ADAMTS2: variants seen among roughly 807,000 people sequenced by gnomAD.
ADAMTS2 encodes the protein ADAM metallopeptidase with thrombospondin type 1 motif 2.
A neutral mutation model predicts 123.0 loss-of-function variants in ADAMTS2; 50 were observed. The ratio of observed to expected loss-of-function variants is 0.41; its 90% CI spans 0.32 to 0.51. The LOEUF (loss-of-function observed/expected upper bound fraction) is 0.51, where lower values mean the gene tolerates loss of function less well. Among genes scored for constraint, ADAMTS2 ranks in the 20% least tolerant of loss-of-function variants. The pLI is 0.35. For synonymous variants in ADAMTS2, 678 were observed against 695.4 expected, an observed-to-expected ratio of 0.98 and a Z score of 0.39; for missense variants, 1,494 against 1,705.2, an observed-to-expected ratio of 0.88 and a Z score of 2.18.
At position 179,130,246 on chromosome 5, in the gene ADAMTS2, A is replaced by G. The variant is rs1762934881; in HGVS notation, c.2291-148T>C. 11 of 967,040 alleles carry G rather than the reference A, an allele frequency of 1.1e-5. No homozygotes were observed. The East Asian group carries it at 2.1e-4, about 18-fold the overall frequency. 59.9% of individuals were successfully genotyped at this position (967,040 alleles called of 1,614,324 possible). On this transcript the variant is annotated intron_variant, in intron 15 of 21. Transcript: ENST00000251582. This position sits in a 1 kb window ranked among gnomAD's most constrained non-coding sequence, Gnocchi z 4.3. ...CGGCCAGTTTCCTCTGTGCCACGAC[A>G]GCCCAGATGGCTCTGGGAGCCCTGC... is the stretch of plus-strand genomic sequence containing the variant.
At chr5:179,137,701 A>AGCCCCCCCCCCCCCCCCCCCAAGGG in intron 12 of ADAMTS2, 68 bp downstream of exon 12, 1 of 1,515,422 alleles carries the variant, frequency 6.6e-7, no homozygotes, top group Non-Finnish European at 8.9e-7. Context: ...CAGAGGCACA[A>AGCCCCCCCCCCCCCCCCCCCAAGGG]GCCCCCACCC....
Position 179,181,905 on chromosome 5 carries a change from C to G in ADAMTS2, c.892-750G>C, listed in dbSNP as rs1764057885. On this transcript the variant is annotated intron_variant, in intron 4 of 21. Coordinates refer to ENST00000251582, the MANE Select transcript of ADAMTS2 (RefSeq NM_014244.5). This position sits in a 1 kb window ranked among gnomAD's most constrained non-coding sequence, Gnocchi z 4.1. Reference sequence around the variant, plus strand: ...TCTACAGAACACAGCCAGCAAGACCCTCCAGAAACATAGGTCAGGTTATCC... The same window carrying G: ...TCTACAGAACACAGCCAGCAAGACCGTCCAGAAACATAGGTCAGGTTATCC... Among the ~76,000 whole-genome samples the G allele has an allele frequency of 6.6e-6, 1 of 152,172 alleles. No homozygotes were observed. The highest frequency in any genetic ancestry group is 2.1e-4 in the South Asian group (1 of 4,832).
chr5:179,128,488 G>A lies in ADAMTS2; in HGVS notation c.2458-370C>T, dbSNP rs1407777835. 1.3e-5 allele frequency among the ~76,000 whole-genome samples: 2 copies of A among 152,112 alleles called. No individual in the cohort carries two copies. Among genetic ancestry groups the A allele is most frequent in the Non-Finnish European group, 2.9e-5 (2 of 68,032 alleles). ...GCTCACTGCAACCTCCGCCTCCCAG[G>A]TTCAAGCGATTCTCCTGCCTCAGCC... On this transcript the variant is annotated intron_variant, in intron 16 of 21. Coordinates refer to ENST00000251582, the MANE Select transcript of ADAMTS2 (RefSeq NM_014244.5). This position sits in a 1 kb window ranked among gnomAD's most constrained non-coding sequence, Gnocchi z 4.9.
At chr5:179,179,113 T>G (rs889010707) in intron 5 of ADAMTS2, among the ~76,000 whole-genome samples, 1 of 152,010 alleles carries the variant, frequency 6.6e-6, no homozygotes, top group Admixed American at 6.6e-5. Flanking sequence ...CCCGGCTAAT[T>G]TTTGTATTTT....
rs1762571473 is a variant in ADAMTS2 at position 179,111,746 on chromosome 5, T to C, written c.*2121A>G. 6.6e-6 allele frequency: 1 copy of C among 152,278 alleles called. No homozygotes were observed. The highest frequency in any genetic ancestry group is 1.5e-5 in the Non-Finnish European group (1 of 68,076). The allele number at this position is 152,278 out of a possible 1,614,324, so 9.4% of individuals were successfully genotyped here. A position where few individuals can be genotyped will look rare whatever the true frequency, so the allele number is the denominator to read the frequency against. ...TTAGTCCTGAACTTCCTCCACATCC[T>C]AGGACAGACCCAAGTAAGAACTGCC... On this transcript the variant is annotated 3_prime_UTR_variant, in exon 22 of 22. Coordinates refer to ENST00000251582, the MANE Select transcript of ADAMTS2 (RefSeq NM_014244.5).
intron 3 of ADAMTS2, among the ~76,000 whole-genome samples, chr5:179,241,886 C>G (rs1040231621): frequency 6.6e-6 from 1 of 152,128 alleles, no homozygotes; most frequent in African/African-American, 2.4e-5. Context: ...TTTTTCACAC[C>G]AGTAGCCCCT....
Position 179,129,126 on chromosome 5 carries a change from C to G in ADAMTS2, c.2457+806G>C, listed in dbSNP as rs1039815611. 1.3e-5 allele frequency among the ~76,000 whole-genome samples: 2 copies of G among 152,176 alleles called. No individual in the cohort carries two copies. The highest frequency in any genetic ancestry group is 2.9e-5 in the Non-Finnish European group (2 of 68,044). On this transcript the variant is annotated intron_variant, in intron 16 of 21. Coordinates refer to ENST00000251582, the MANE Select transcript of ADAMTS2 (RefSeq NM_014244.5). The surrounding 1 kb of genome is among the most constrained non-coding windows in gnomAD (Gnocchi z 4.1). ...CAGGTGAATTTGCAAATACAGAAAC[C>G]GTGAGTGCCGAGGACCAGCTGCTCA...
intron 3 of ADAMTS2, among the ~76,000 whole-genome samples, chr5:179,266,833 G>A (rs962873538): frequency 6.6e-6 from 1 of 152,162 alleles, no homozygotes; most frequent in Non-Finnish European, 1.5e-5. Flanking sequence ...CTATCTGCTC[G>A]CCACTGAATG....
chr5:179,216,961 C>T (rs1042604954), intron 3 of ADAMTS2, among the ~76,000 whole-genome samples: 11 of 152,334 alleles, frequency 7.2e-5, no homozygotes, highest in South Asian at 2.1e-4. Flanking sequence ...GGATGTCTAT[C>T]GGATAGCCCA....
intron 2 of ADAMTS2, among the ~76,000 whole-genome samples, chr5:179,318,162 T>C (rs758375868): frequency 6.6e-6 from 1 of 152,194 alleles, no homozygotes; most frequent in Non-Finnish European, 1.5e-5. Context: ...GCCACTCTCA[T>C]GGAGACTCTG....
In ADAMTS2 at chr5:179,140,799, C is replaced by CTTTTTTTTTTTTTTTTTTTTTT. The variant is rs770094463; in HGVS notation, c.1630-765_1630-764insAAAAAAAAAAAAAAAAAAAAAA. Among the ~76,000 whole-genome samples, 32 of 90,452 alleles carry CTTTTTTTTTTTTTTTTTTTTTT rather than the reference C, an allele frequency of 3.5e-4. 4 individuals are homozygous for CTTTTTTTTTTTTTTTTTTTTTT. The highest frequency in any genetic ancestry group is 8.5e-4 in the South Asian group (2 of 2,340). 59.3% of individuals were successfully genotyped at this position (90,452 alleles called of 152,430 possible). On this transcript the variant is annotated intron_variant, in intron 10 of 21. Coordinates refer to ENST00000251582, the MANE Select transcript of ADAMTS2 (RefSeq NM_014244.5). ...TTTCCTTCAGTTCCGACTGCATGCT[C>CTTTTTTTTTTTTTTTTTTTTTT]TTTTTTTTTTTTTTTTTTTGAGACA...
chr5:179,122,783 G>T lies in ADAMTS2; in HGVS notation c.2959-10C>A. On this transcript the variant is annotated splice_polypyrimidine_tract_variant and intron_variant, in intron 19 of 21. Coordinates refer to ENST00000251582, the MANE Select transcript of ADAMTS2 (RefSeq NM_014244.5). ...CACAGGTTACTGAGCACTGCAGGGG[G>T]AGAGTCGCCAGGCAGGGTTCACCTC... is the stretch of plus-strand genomic sequence containing the variant. 6.4e-7 allele frequency: 1 copy of T among 1,554,524 alleles called. No homozygotes were observed. Among genetic ancestry groups the T allele is most frequent in the Admixed American group, 1.9e-5 (1 of 51,492 alleles).
At position 179,256,672 on chromosome 5, in the gene ADAMTS2, G is replaced by T. The variant is rs945272607; in HGVS notation, c.688+16239C>A. Among the ~76,000 whole-genome samples the T allele has an allele frequency of 1.3e-5, 2 of 152,216 alleles. No homozygotes were observed. Among genetic ancestry groups the T allele is most frequent in the African/African-American group, 4.8e-5 (2 of 41,454 alleles). On this transcript the variant is annotated intron_variant, in intron 3 of 21. Transcript: ENST00000251582. This position sits in a 1 kb window ranked among gnomAD's most constrained non-coding sequence, Gnocchi z 4.1. ...GGCCAGGCACGAATCGGCAGGGAGG[G>T]AGGGGTTGTGTTCGCCCATCCAGAG... is the stretch of plus-strand genomic sequence containing the variant.
At chr5:179,300,962 C>A (rs556661542) in intron 2 of ADAMTS2, among the ~76,000 whole-genome samples, 37 of 152,186 alleles carry the variant, frequency 2.4e-4, no homozygotes, top group Admixed American at 1.8e-3. Context: ...CGGAGGATGT[C>A]CCCACACACT....
chr5:179,224,216 C>A (rs539628468), intron 3 of ADAMTS2, among the ~76,000 whole-genome samples: 3 of 152,050 alleles, frequency 2.0e-5, no homozygotes, highest in Non-Finnish European at 4.4e-5. Context: ...TGCAGCCATG[C>A]GGTGGGTGCA....
rs145645752 is a variant in ADAMTS2, at chr5:179,225,520, C to T, written c.689-17805G>A. On this transcript the variant is annotated intron_variant, in intron 3 of 21. Transcript: ENST00000251582. The surrounding 1 kb of genome is among the most constrained non-coding windows in gnomAD (Gnocchi z 4.5). ...TCCCCATCCTGTGCCTATAAAAACC[C>T]GAGACCCTAACAGGCAGACACAGGC... is the stretch of plus-strand genomic sequence containing the variant. 8.5e-5 allele frequency among the ~76,000 whole-genome samples: 13 copies of T among 152,262 alleles called. No homozygotes were observed. Among genetic ancestry groups the T allele is most frequent in the African/African-American group, 2.6e-4 (11 of 41,556 alleles).
At chr5:179,183,685 C>T (rs565499894) in intron 4 of ADAMTS2, among the ~76,000 whole-genome samples, 1 of 152,326 alleles carries the variant, frequency 6.6e-6, no homozygotes, top group South Asian at 2.1e-4. Context: ...CTCTAGGGGG[C>T]ACCACCAGGC....
chr5:179,338,096 T>C (rs536800968), intron 2 of ADAMTS2, among the ~76,000 whole-genome samples: 1 of 152,318 alleles, frequency 6.6e-6, no homozygotes, highest in Non-Finnish European at 1.5e-5. Flanking sequence ...CATTTACCAG[T>C]GCCAGAAACA....
At chr5:179,173,263 A>G (rs1454378983) in intron 5 of ADAMTS2, among the ~76,000 whole-genome samples, 1 of 151,556 alleles carries the variant, frequency 6.6e-6, no homozygotes, top group Non-Finnish European at 1.5e-5. Flanking sequence ...CATGCTCATC[A>G]TATTGAATTT....
Sources: gnomAD v4.1 joint callset for allele counts (sites outside exome capture counted in the v4.1 genomes callset) on GRCh38, gnomAD v4.1.1 for gene constraint, Gnocchi (gnomAD v3.1) non-coding constraint, MANE v1.5 for transcripts, NCBI Gene and HGNC (gene_info 2026-07-23, HGNC 2026-07-21) for gene names.